The following PROM1 variants were observed in gnomAD, a reference collection of about 807,000 sequenced individuals.
PROM1 encodes prominin-1.
PROM1 carries 105 observed loss-of-function variants against 116.9 expected under a neutral mutation model. The observed-to-expected ratio is 0.90, with a 90% confidence interval of 0.77 to 1.06. PROM1 has a LOEUF of 1.06. Among genes scored for constraint, PROM1 ranks in the 50% least tolerant of loss-of-function variants. The pLI is 0.00. For missense variants in PROM1, 1,122 were observed against 1,045.2 expected (o/e 1.07, Z -1.01); for synonymous variants, 393 against 387.0 (o/e 1.02, Z -0.18).
chr4:16,053,622 G>A (rs1243217058), intron 2 of PROM1, among the ~76,000 whole-genome samples: 1 of 152,198 alleles, frequency 6.6e-6, no homozygotes, highest in Non-Finnish European at 1.5e-5. Context: ...ACGCTGTGGT[G>A]GGAGGGAAAA....
chr4:16,077,057 C>A (rs1049993957), intron 1 of PROM1, among the ~76,000 whole-genome samples: 2 of 152,220 alleles, frequency 1.3e-5, no homozygotes, highest in Non-Finnish European at 2.9e-5. Flanking sequence ...AGGGAAAGAC[C>A]TGACTGTCCC....
At chr4:15,971,248 C>T in intron 26 of PROM1, 166 bp from the exon 27 acceptor site, 1 of 563,226 alleles carries the variant, frequency 1.8e-6, no homozygotes, top group African/African-American at 1.9e-5. Context: ...ACTGGTTACT[C>T]TAGCTTCTGT....
At position 15,989,145 on chromosome 4, in the gene PROM1, C is replaced by T. The variant is rs556829418; in HGVS notation, c.2076+587G>A. Among the ~76,000 whole-genome samples the T allele has an allele frequency of 4.5e-4, 69 of 152,212 alleles. 1 individual carries two copies. The highest frequency in any genetic ancestry group is 6.8e-3 in the Middle Eastern group (2 of 294). On this transcript the variant is annotated intron_variant, in intron 19 of 27. Coordinates refer to ENST00000447510, the MANE Select transcript of PROM1 (RefSeq NM_006017.3). ...ATCCCAACATTTTTAGATGAGGAAA[C>T]TGAGAAGCTACAATAGTTTGGAGAG...
At chr4:15,979,929 A>G in intron 24 of PROM1, 25 bp from the exon 25 acceptor site, 2 of 1,323,938 alleles carry the variant, frequency 1.5e-6, no homozygotes, top group Non-Finnish European at 2.1e-6. Flanking sequence ...AAAGGGAGAT[A>G]AAATTAATTT....
At chr4:16,082,811 C>A (rs189114077) in intron 1 of PROM1, among the ~76,000 whole-genome samples, 1 of 152,228 alleles carries the variant, frequency 6.6e-6, no homozygotes, top group Non-Finnish European at 1.5e-5. Flanking sequence ...CGACTCCCTG[C>A]CCCTCCAGAC....
chr4:16,075,632 A>G, intron 2 of PROM1, 55 bp downstream of exon 2: 1 of 1,489,570 alleles, frequency 6.7e-7, no homozygotes, highest in Non-Finnish European at 9.2e-7. Context: ...TTAAAAAACA[A>G]TATTGTGGGT....
At chr4:16,016,064 C>G in intron 10 of PROM1, 102 bp downstream of exon 10, 1 of 1,073,446 alleles carries the variant, frequency 9.3e-7, no homozygotes, top group Non-Finnish European at 1.4e-6. Context: ...CAACCTTTCT[C>G]TAGAATTTCA....
At chr4:16,035,870 A>G in intron 3 of PROM1, 109 bp from the exon 4 acceptor site, 1 of 1,006,314 alleles carries the variant, frequency 9.9e-7, no homozygotes, top group Non-Finnish European at 1.6e-6. Context: ...TTCATATCCC[A>G]CAAGGAGGAA....
Position 16,025,120 on chromosome 4 carries a change from C to A in PROM1, c.630+72G>T, listed in dbSNP as rs1278230521. 16 of 1,506,338 alleles carry A rather than the reference C, an allele frequency of 1.1e-5. No individual in the cohort carries two copies. In the Admixed American group the frequency reaches 2.9e-4, roughly 28 times the overall value. 93.3% of individuals were successfully genotyped at this position (1,506,338 alleles called of 1,614,324 possible). On this transcript the variant is annotated intron_variant, in intron 6 of 27. Transcript: ENST00000447510. ...GTTTCTAGAAGGTTTGATTGAGATT[C>A]CAAATATACACAGGAACTCCAAAAA...
At chr4:16,070,260 T>TTCATC (rs1742514396) in intron 2 of PROM1, among the ~76,000 whole-genome samples, 1 of 152,180 alleles carries the variant, frequency 6.6e-6, no homozygotes, top group African/African-American at 2.4e-5. Context: ...ACGGACTTAT[T>TTCATC]TCATCTCAAA....
rs1743863519 is a variant in PROM1 at position 16,075,896 on chromosome 4, A to G, written c.11T>C (p.Val4Ala). Reference protein sequence around the residue: MALVLGSLLLLGLC... With the variant: MALALGSLLLLGLC... ...CCCCAGCAGCAACAGGGAGCCGAGT[A>G]CGAGGGCCATAGCTAGCAAGATCCT... The change falls in exon 2 of 28, where the codon GTA (valine) becomes GCA (alanine). Residue 4 changes from valine (V) to alanine (A), a missense_variant. By Grantham distance (64) the Val-to-Ala change is moderately conservative. Transcript: ENST00000447510. The G allele has an allele frequency of 6.2e-7, 1 of 1,611,306 alleles. No individual in the cohort carries two copies. Among genetic ancestry groups the G allele is most frequent in the Non-Finnish European group, 8.5e-7 (1 of 1,178,508 alleles).
At chr4:16,029,795 TG>T (rs1343501094) in intron 5 of PROM1, among the ~76,000 whole-genome samples, 8 of 152,220 alleles carry the variant, frequency 5.3e-5, no homozygotes, top group Non-Finnish European at 1.0e-4. Flanking sequence ...TGGACTGCTC[TG>T]GGTTTCTGAA....
intron 2 of PROM1, among the ~76,000 whole-genome samples, chr4:16,055,971 A>G (rs1738908527): frequency 6.6e-6 from 1 of 152,190 alleles, no homozygotes; most frequent in Non-Finnish European, 1.5e-5. Flanking sequence ...TGAGTCTGCA[A>G]GTGACTCTGT....
chr4:16,072,086 C>T (rs927599834), intron 2 of PROM1, among the ~76,000 whole-genome samples: 10 of 152,158 alleles, frequency 6.6e-5, no homozygotes, highest in African/African-American at 1.9e-4. Flanking sequence ...TACATTCTGC[C>T]ATGTCAACAC....
At chr4:16,015,408 G>C (rs1018879860) in intron 10 of PROM1, among the ~76,000 whole-genome samples, 60 of 148,182 alleles carry the variant, frequency 4.0e-4, no homozygotes, top group Middle Eastern at 7.0e-3. Context: ...ACTAAGTAGC[G>C]GCTGGGTGTG....
At chr4:16,074,207 TAA>T (rs1743454238) in intron 2 of PROM1, among the ~76,000 whole-genome samples, 1 of 152,076 alleles carries the variant, frequency 6.6e-6, no homozygotes, top group African/African-American at 2.4e-5. Context: ...TTGAAATAAC[TAA>T]AAGAGTAATT....
chr4:16,081,044 CATATATATATGTATATGT>C (rs1744942668), intron 1 of PROM1, among the ~76,000 whole-genome samples: 2 of 150,140 alleles, frequency 1.3e-5, no homozygotes, highest in Non-Finnish European at 3.0e-5. Context: ...TATACATATA[CATATATATATGTATATGT>C]ATATATATTT....
At chr4:15,992,560 C>G (rs1028525156) in intron 16 of PROM1, among the ~76,000 whole-genome samples, 169 bp from the exon 17 acceptor site, 3 of 151,886 alleles carry the variant, frequency 2.0e-5, no homozygotes, top group African/African-American at 7.3e-5. Context: ...CAAAACCAGC[C>G]AGGGCAACAT....
intron 4 of PROM1, among the ~76,000 whole-genome samples, chr4:16,034,588 G>A (rs544110993): frequency 3.3e-5 from 5 of 152,142 alleles, no homozygotes; most frequent in South Asian, 2.1e-4. Flanking sequence ...ACTTTATTCC[G>A]GGATAAACGA....
Sources: gnomAD v4.1 joint callset for allele counts (sites outside exome capture counted in the v4.1 genomes callset) on GRCh38, gnomAD v4.1.1 for gene constraint, MANE v1.5 for transcripts, NCBI Gene and HGNC (gene_info 2026-07-23, HGNC 2026-07-21) for gene names.